CRISP2: variants seen among roughly 807,000 people sequenced by gnomAD.
CRISP2 encodes cysteine-rich secretory protein 2.
Under a neutral mutation model 31.7 loss-of-function variants are expected in CRISP2, and 29 were observed. The ratio of observed to expected loss-of-function variants is 0.92; its 90% CI spans 0.68 to 1.25. CRISP2 has a LOEUF of 1.25. Ranked by LOEUF, CRISP2 falls within the 50% of genes most tolerant of loss-of-function variation. The pLI, the probability that CRISP2 is intolerant of heterozygous loss-of-function variation, is 0.00. For synonymous variants in CRISP2, 111 were observed against 101.4 expected, an observed-to-expected ratio of 1.09 and a Z score of -0.57; for missense variants, 318 against 286.5, an observed-to-expected ratio of 1.11 and a Z score of -0.79.
At position 49,692,539 on chromosome 6, in the gene CRISP2, T is replaced by C. The variant is rs1007563898; in HGVS notation, c.*234A>G. 2.7e-6 allele frequency: 1 copy of C among 369,860 alleles called. No homozygotes were observed. Among genetic ancestry groups the C allele is most frequent in the Non-Finnish European group, 4.9e-6 (1 of 202,438 alleles). 22.9% of individuals were successfully genotyped at this position (369,860 alleles called of 1,614,324 possible). On this transcript the variant is annotated 3_prime_UTR_variant, in exon 10 of 10. Transcript: ENST00000339139. ...ACAGTTTTCAAAATCCTCAACCTGA[T>C]TCAGTTCGTTATAAAGCACTAAATT...
chr6:49,700,755 G>T lies in CRISP2; in HGVS notation c.96C>A (p.Thr32=). 6.2e-7 allele frequency: 1 copy of T among 1,611,194 alleles called. No individual in the cohort carries two copies. Among genetic ancestry groups the T allele is most frequent in the Non-Finnish European group, 8.5e-7 (1 of 1,178,366 alleles). ...CAATCTCCCTTTGCACTTGCAACTG[G>T]GTGGTTAACAAAGCAGTAAAAGCGG... ...KDPAFTALLT[T]QLQVQREIVN... Residue 32 remains threonine, a synonymous_variant, in exon 5 of 10, where the codon ACC becomes ACA. Coordinates refer to ENST00000339139, the MANE Select transcript of CRISP2 (RefSeq NM_003296.4).
At chr6:49,677,479 C>T in the CRISP2 span, among the ~76,000 whole-genome samples, 111 of 152,194 alleles carry the variant, frequency 7.3e-4, 1 homozygote, top group African/African-American at 2.1e-3. Flanking sequence ...CAAAGGAGCA[C>T]GGATGACAAC....
At chr6:49,701,744 T>C (rs1430151722) in intron 4 of CRISP2, among the ~76,000 whole-genome samples, 1 of 97,866 alleles carries the variant, frequency 1.0e-5, no homozygotes, top group African/African-American at 4.1e-5. Flanking sequence ...ATATACACGG[T>C]ATATATATAA....
chr6:49,687,774 T>C (rs1245609570), downstream of CRISP2, among the ~76,000 whole-genome samples: 1 of 152,178 alleles, frequency 6.6e-6, no homozygotes, highest in East Asian at 1.9e-4. Flanking sequence ...CAACGTGGGT[T>C]TCTCCTCTCA....
intron 3 of CRISP2, among the ~76,000 whole-genome samples, 158 bp downstream of exon 3, chr6:49,711,127 A>G (rs1767934972): frequency 6.6e-6 from 1 of 151,966 alleles, no homozygotes; most frequent in African/African-American, 2.4e-5. Context: ...CCTGGGTGAC[A>G]GAAAGAGACC....
downstream of CRISP2, among the ~76,000 whole-genome samples, chr6:49,689,929 A>G (rs899858155): frequency 6.6e-6 from 1 of 152,138 alleles, no homozygotes; most frequent in Non-Finnish European, 1.5e-5. Context: ...GACAAAAATG[A>G]GTATATTAAA....
intron 4 of CRISP2, among the ~76,000 whole-genome samples, chr6:49,704,252 C>T (rs538759935): frequency 6.6e-6 from 1 of 152,028 alleles, no homozygotes; most frequent in East Asian, 1.9e-4. Flanking sequence ...TTTTTTCATT[C>T]ATACTTGTAT....
At chr6:49,682,629 T>C in the CRISP2 span, among the ~76,000 whole-genome samples, 1 of 64,676 alleles carries the variant, frequency 1.5e-5, no homozygotes, top group Non-Finnish European at 2.7e-5. Context: ...CTTTCTTTCT[T>C]TCTTTCTTTC....
chr6:49,680,746 T>C, the CRISP2 span, among the ~76,000 whole-genome samples: 10 of 152,260 alleles, frequency 6.6e-5, no homozygotes, highest in Admixed American at 4.6e-4. Flanking sequence ...ATTTCTCTAA[T>C]GATCCGTGAT....
At chr6:49,678,473 C>T in the CRISP2 span, among the ~76,000 whole-genome samples, 5 of 152,120 alleles carry the variant, frequency 3.3e-5, no homozygotes, top group East Asian at 1.9e-4. Flanking sequence ...CTTTCCCAGA[C>T]GAATCTGTAC....
intron 4 of CRISP2, among the ~76,000 whole-genome samples, chr6:49,701,669 AT>A (rs1269580351): frequency 7.9e-6 from 1 of 126,246 alleles, no homozygotes; most frequent in South Asian, 2.3e-4. Flanking sequence ...ATATGTATAC[AT>A]TATATATGTA....
At chr6:49,688,718 C>T (rs1254287468), downstream of CRISP2, among the ~76,000 whole-genome samples, 4 of 152,266 alleles carry the variant, frequency 2.6e-5, no homozygotes, top group South Asian at 2.1e-4. Flanking sequence ...CACAAAAATG[C>T]ATTTTTGAAT....
chr6:49,697,585 T>G, intron 8 of CRISP2: 1 of 614,322 alleles, frequency 1.6e-6, no homozygotes, highest in Non-Finnish European at 2.7e-6. Flanking sequence ...ATATTACACA[T>G]GCTCACAGAG....
intron 4 of CRISP2, among the ~76,000 whole-genome samples, chr6:49,706,463 C>G (rs2127427707): frequency 6.6e-6 from 1 of 152,182 alleles, no homozygotes; most frequent in South Asian, 2.1e-4. Flanking sequence ...GTAACAGAAA[C>G]ATAACTGATA....
At chr6:49,688,205 T>C (rs1205492631), downstream of CRISP2, among the ~76,000 whole-genome samples, 3 of 152,160 alleles carry the variant, frequency 2.0e-5, no homozygotes, top group Admixed American at 6.6e-5. Context: ...AAAACTATGG[T>C]TCTGAAAAAT....
chr6:49,701,472 C>T (rs1765668610), intron 4 of CRISP2, among the ~76,000 whole-genome samples: 1 of 132,544 alleles, frequency 7.5e-6, no homozygotes, highest in Admixed American at 8.2e-5. Flanking sequence ...CTTTTTATGG[C>T]TGAGCAGTAT....
chr6:49,700,039 T>C (rs1765402574), intron 5 of CRISP2, 148 bp from the exon 6 acceptor site: 3 of 719,436 alleles, frequency 4.2e-6, no homozygotes, highest in Non-Finnish European at 6.8e-6. Context: ...TGTTTTTATC[T>C]CTTCTGGTGC....
intron 4 of CRISP2, among the ~76,000 whole-genome samples, chr6:49,701,105 A>G (rs920824242): frequency 5.3e-5 from 8 of 152,072 alleles, no homozygotes; most frequent in Admixed American, 2.6e-4. Flanking sequence ...CTGAGGCCAC[A>G]AATGCCGATT....
At chr6:49,695,129 T>C (rs1423175670) in intron 9 of CRISP2, among the ~76,000 whole-genome samples, 3 of 152,190 alleles carry the variant, frequency 2.0e-5, no homozygotes, top group African/African-American at 7.2e-5. Flanking sequence ...ATAATTTTAA[T>C]AAAAGTATCC....
Sources: allele counts gnomAD v4.1 joint callset (sites outside exome capture counted in the v4.1 genomes callset), GRCh38; gene constraint gnomAD v4.1.1; transcripts MANE v1.5; gene names NCBI Gene and HGNC (gene_info 2026-07-23, HGNC 2026-07-21).